Variants in ZNF555 observed in about 807,000 individuals in gnomAD.
ZNF555 encodes zinc finger protein 555.
In ZNF555, 10 loss-of-function variants were observed where a neutral mutation model predicts 14.0. That is an observed-to-expected ratio of 0.72 (90% confidence interval 0.44 to 1.21). The LOEUF (loss-of-function observed/expected upper bound fraction) is 1.21. Among genes scored for constraint, ZNF555 ranks in the 50% most tolerant of loss-of-function variants. ZNF555 has a pLI of 0.00. For synonymous variants in ZNF555, 277 were observed against 262.4 expected, an observed-to-expected ratio of 1.06 and a Z score of -0.54; for missense variants, 747 against 762.0, an observed-to-expected ratio of 0.98 and a Z score of 0.23.
rs1350211272 is a variant in ZNF555, at chr19:2,860,036, A to T, written c.*6084A>T. 6.6e-6 allele frequency: 1 copy of T among 152,160 alleles called. No individual in the cohort carries two copies. Among genetic ancestry groups the T allele is most frequent in the Non-Finnish European group, 1.5e-5 (1 of 68,036 alleles). 9.4% of individuals were successfully genotyped at this position (152,160 alleles called of 1,614,324 possible). On this transcript the variant is annotated 3_prime_UTR_variant, in exon 4 of 4. Transcript: ENST00000334241. ...GCAAACAAACAAAAAAAAGGAATGC[A>T]AGTCAAGTACACTTTGTATGGACAG...
At position 2,852,536 on chromosome 19, in the gene ZNF555, A is replaced by G. The variant is rs150277865; in HGVS notation, c.471A>G (p.Thr157=). ...GAAAAGTCTTCATGCATCGCCGCAC[A>G]TCCCTCAAGAGTCCCATCACAGTTC... ...TYGKVFMHRR[T]SLKSPITVHT... The change falls in exon 4 of 4, where the codon ACA becomes ACG. Residue 157 remains threonine (T), a synonymous_variant. Coordinates refer to ENST00000334241, the MANE Select transcript of ZNF555 (RefSeq NM_152791.5). The G allele has an allele frequency of 6.2e-7, 1 of 1,614,106 alleles. No homozygotes were observed. Among genetic ancestry groups the G allele is most frequent in the Non-Finnish European group, 8.5e-7 (1 of 1,180,036 alleles).
At position 2,852,606 on chromosome 19, in the gene ZNF555, T is replaced by C. The variant is rs746765692; in HGVS notation, c.541T>C (p.Tyr181His). ...TCAGTGCCAGGAATGTGGGCAGGCC[T>C]ACAGTTGTCGTTCACACCTAAGAAT... The part of the protein sequence containing the change: ...PYQCQECGQA[Y>H]SCRSHLRMHV... Residue 181 changes from tyrosine to histidine, a missense_variant, in exon 4 of 4, where the codon TAC becomes CAC. By Grantham distance (83) the Tyr-to-His change is moderately conservative (BLOSUM62 2). Transcript: ENST00000334241. 1.2e-6 allele frequency: 2 copies of C among 1,614,052 alleles called. No homozygotes were observed. The highest frequency in any genetic ancestry group is 1.7e-6 in the Non-Finnish European group (2 of 1,180,040).
rs1361384533 is a variant in ZNF555 at position 2,853,592 on chromosome 19, A to G, written c.1527A>G (p.Lys509=). The change falls in exon 4 of 4, where the codon AAA becomes AAG. Residue 509 remains lysine (K), a synonymous_variant. Coordinates refer to ENST00000334241, the MANE Select transcript of ZNF555 (RefSeq NM_152791.5). ...GACATACCGCAGAGAAACTCTATAAATGCAAGCAGTGTGGGAAAGCTTTCA... is the reference window on the plus strand; with the variant it reads ...GACATACCGCAGAGAAACTCTATAAGTGCAAGCAGTGTGGGAAAGCTTTCA... ...MRRHTAEKLY[K]CKQCGKAFSW... 5 of 1,609,968 alleles carry G rather than the reference A, an allele frequency of 3.1e-6. No individual in the cohort carries two copies. Among genetic ancestry groups the G allele is most frequent in the Non-Finnish European group, 4.2e-6 (5 of 1,177,564 alleles).
In ZNF555 at chr19:2,859,167, C is replaced by T. The variant is rs1568347720; in HGVS notation, c.*5215C>T. 2 of 152,254 alleles carry T rather than the reference C, an allele frequency of 1.3e-5. No homozygotes were observed. The highest frequency in any genetic ancestry group is 6.5e-5 in the Admixed American group (1 of 15,290). 9.4% of individuals were successfully genotyped at this position (152,254 alleles called of 1,614,324 possible). ...CAACACGGGCTCGCGTCTAAAAGAG[C>T]TGTGCTTTGTTGGGGCTATCTGGGA... is the stretch of plus-strand genomic sequence containing the variant. On this transcript the variant is annotated 3_prime_UTR_variant, in exon 4 of 4. Coordinates refer to ENST00000334241, the MANE Select transcript of ZNF555 (RefSeq NM_152791.5).
intron 3 of ZNF555, among the ~76,000 whole-genome samples, chr19:2,852,072 C>G (rs2087634492): frequency 6.6e-6 from 1 of 151,864 alleles, no homozygotes; most frequent in African/African-American, 2.4e-5. Context: ...TGCATGAACC[C>G]AGGAGGCAGA....
Position 2,841,521 on chromosome 19 carries a change from C to T in ZNF555, c.-52C>T. The T allele has an allele frequency of 6.5e-7, 1 of 1,545,468 alleles. No individual in the cohort carries two copies. Among genetic ancestry groups the T allele is most frequent in the African/African-American group, 1.4e-5 (1 of 72,416 alleles). ...CCTGCCCCTAGCGGTCCCTGGCGTC[C>T]CGGTTCCTGTCGCGCTCACCTGCGC... is the stretch of plus-strand genomic sequence containing the variant. On this transcript the variant is annotated 5_prime_UTR_variant, in exon 1 of 4. Transcript: ENST00000334241.
In ZNF555 at chr19:2,859,539, C is replaced by T. The variant is rs1370370687; in HGVS notation, c.*5587C>T. 1 of 152,266 alleles carries T rather than the reference C, an allele frequency of 6.6e-6. No homozygotes were observed. The highest frequency in any genetic ancestry group is 1.5e-5 in the Non-Finnish European group (1 of 68,154). 9.4% of individuals were successfully genotyped at this position (152,266 alleles called of 1,614,324 possible). A position where few individuals can be genotyped will look rare whatever the true frequency, so the allele number is the denominator to read the frequency against. On this transcript the variant is annotated 3_prime_UTR_variant, in exon 4 of 4. Coordinates refer to ENST00000334241, the MANE Select transcript of ZNF555 (RefSeq NM_152791.5). ...AGGGCAGCTGGGCGAGGAAGAGATA[C>T]CAGTGATGTCCTAACTGAGCTCCCT...
At position 2,841,522 on chromosome 19, in the gene ZNF555, C is replaced by T. The variant is rs572857441; in HGVS notation, c.-51C>T. On this transcript the variant is annotated 5_prime_UTR_variant, in exon 1 of 4. Transcript: ENST00000334241. ...CTGCCCCTAGCGGTCCCTGGCGTCC[C>T]GGTTCCTGTCGCGCTCACCTGCGCC... 5.2e-6 allele frequency: 8 copies of T among 1,545,140 alleles called. No homozygotes were observed. The African/African-American group carries it at 8.3e-5, about 16-fold the overall frequency.
Position 2,854,366 on chromosome 19 carries a change from T to C in ZNF555, c.*414T>C, listed in dbSNP as rs1288523087. The C allele has an allele frequency of 1.1e-5, 2 of 182,594 alleles. No homozygotes were observed. The highest frequency in any genetic ancestry group is 4.8e-5 in the African/African-American group (2 of 41,644). 11.3% of individuals were successfully genotyped at this position (182,594 alleles called of 1,614,324 possible). ...TTAAGGAGTATAGCCTCAAATGAATTGTAATTTTTAATGTTTGCCCATTGC... is the reference window on the plus strand; with the variant it reads ...TTAAGGAGTATAGCCTCAAATGAATCGTAATTTTTAATGTTTGCCCATTGC... On this transcript the variant is annotated 3_prime_UTR_variant, in exon 4 of 4. Coordinates refer to ENST00000334241, the MANE Select transcript of ZNF555 (RefSeq NM_152791.5).
chr19:2,844,768 G>A (rs1233233400), intron 1 of ZNF555, among the ~76,000 whole-genome samples: 2 of 152,184 alleles, frequency 1.3e-5, no homozygotes, highest in South Asian at 4.1e-4. Context: ...AAGGTTAGGG[G>A]CCCTCAGGCC....
intron 1 of ZNF555, among the ~76,000 whole-genome samples, chr19:2,847,713 A>G (rs1228093175): frequency 6.6e-6 from 1 of 152,224 alleles, no homozygotes; most frequent in Non-Finnish European, 1.5e-5. Flanking sequence ...GGATTAGATG[A>G]TGTCATTTTA....
intron 1 of ZNF555, chr19:2,847,341 A>C (rs2087590092): frequency 6.6e-6 from 1 of 152,132 alleles, no homozygotes; most frequent in Non-Finnish European, 1.5e-5. Context: ...TCTTATAAAG[A>C]CACCAGTCAG....
Position 2,852,420 on chromosome 19 carries a change from C to G in ZNF555, c.355C>G (p.Gln119Glu), listed in dbSNP as rs755521215. Residue 119 changes from glutamine (Q) to glutamate (E), a missense_variant, in exon 4 of 4, where the codon CAA becomes GAA. Physicochemically the swap from Gln to Glu is conservative, Grantham distance 29. Transcript: ENST00000334241. The part of the protein sequence containing the change: ...GLERLCESND[Q>E]CGEALSQIPH... ...GGAGAGACTCTGTGAAAGTAATGAT[C>G]AATGTGGAGAAGCCCTCAGCCAGAT... 6.2e-6 allele frequency: 10 copies of G among 1,614,096 alleles called. No individual in the cohort carries two copies. The highest frequency in any genetic ancestry group is 8.5e-6 in the Non-Finnish European group (10 of 1,180,016).
intron 1 of ZNF555, among the ~76,000 whole-genome samples, chr19:2,841,924 C>T (rs951714762): frequency 1.6e-4 from 25 of 151,716 alleles, no homozygotes; most frequent in Non-Finnish European, 3.1e-4. Flanking sequence ...CGTTTCGCTG[C>T]GGCTTCGGGA....
At chr19:2,843,600 A>G (rs2087557070) in intron 1 of ZNF555, among the ~76,000 whole-genome samples, 1 of 152,186 alleles carries the variant, frequency 6.6e-6, no homozygotes, top group South Asian at 2.1e-4. Flanking sequence ...TTACCAAAAT[A>G]TGTTATTCTC....
chr19:2,857,735 T>A lies in ZNF555; in HGVS notation c.*3783T>A, dbSNP rs1271473755. 1 of 152,242 alleles carries A rather than the reference T, an allele frequency of 6.6e-6. No individual in the cohort carries two copies. Among genetic ancestry groups the A allele is most frequent in the Non-Finnish European group, 1.5e-5 (1 of 68,108 alleles). The allele number at this position is 152,242 out of a possible 1,614,324, so 9.4% of individuals were successfully genotyped here. On this transcript the variant is annotated 3_prime_UTR_variant, in exon 4 of 4. Transcript: ENST00000334241. Reference sequence around the variant, plus strand: ...GCTCATGCCTATAATCCCAGCACTTTGGGAAGCTGAGGCGGGAGGATTGCT... The same window carrying A: ...GCTCATGCCTATAATCCCAGCACTTAGGGAAGCTGAGGCGGGAGGATTGCT...
In ZNF555 at chr19:2,853,259, C is replaced by T; in HGVS notation, c.1194C>T (p.Cys398=). ...RTHGGEKPYE[C]NQCGKAFSHP... The stretch of plus-strand genomic sequence containing the variant: ...ATGGTGGAGAGAAACCCTATGAATG[C>T]AACCAGTGCGGGAAAGCATTCAGTC... The change falls in exon 4 of 4, where the codon TGC becomes TGT. Residue 398 remains cysteine (C), a synonymous_variant. Transcript: ENST00000334241. 1 of 1,613,774 alleles carries T rather than the reference C, an allele frequency of 6.2e-7. No individual in the cohort carries two copies. The highest frequency in any genetic ancestry group is 8.5e-7 in the Non-Finnish European group (1 of 1,179,938).
chr19:2,842,091 G>A (rs2144839946), intron 1 of ZNF555, among the ~76,000 whole-genome samples: 1 of 152,148 alleles, frequency 6.6e-6, no homozygotes, highest in South Asian at 2.1e-4. Context: ...GCTCCTTGGA[G>A]GCCCCGCGCC....
At position 2,842,496 on chromosome 19, in the gene ZNF555, C is replaced by T. The variant is rs556009208; in HGVS notation, c.3+921C>T. Among the ~76,000 whole-genome samples the T allele has an allele frequency of 1.7e-3, 257 of 152,302 alleles. 1 individual carries two copies. The highest frequency in any genetic ancestry group is 1.2e-3 in the Non-Finnish European group (79 of 68,038). On this transcript the variant is annotated intron_variant, in intron 1 of 3. Coordinates refer to ENST00000334241, the MANE Select transcript of ZNF555 (RefSeq NM_152791.5). ...TGACTGCAAACGAGGGGGCTAAAACCACGGAAATATATTCTTTCACGGTTC... is the reference window on the plus strand; with the variant it reads ...TGACTGCAAACGAGGGGGCTAAAACTACGGAAATATATTCTTTCACGGTTC...
Sources: allele counts gnomAD v4.1 joint callset (sites outside exome capture counted in the v4.1 genomes callset), GRCh38; gene constraint gnomAD v4.1.1; transcripts MANE v1.5; gene names NCBI Gene and HGNC (gene_info 2026-07-23, HGNC 2026-07-21).